The following ADAMTSL3 variants were observed in gnomAD, a reference collection of about 807,000 sequenced individuals.
ADAMTSL3 encodes ADAMTS like 3.
A neutral mutation model predicts 201.7 loss-of-function variants in ADAMTSL3; 128 were observed. The observed-to-expected ratio is 0.63, with a 90% CI of 0.55 to 0.73. ADAMTSL3 has a LOEUF of 0.73. Ranked by LOEUF, ADAMTSL3 falls within the 30% of genes least tolerant of loss-of-function variation. ADAMTSL3 has a pLI of 0.00. For missense variants in ADAMTSL3, 1,990 were observed against 2,119.6 expected (o/e 0.94, Z 1.20); for synonymous variants, 738 against 748.4 (o/e 0.99, Z 0.23).
chr15:83,660,544 T>G (rs569603046), intron 2 of ADAMTSL3, among the ~76,000 whole-genome samples: 10 of 152,224 alleles, frequency 6.6e-5, no homozygotes, highest in Admixed American at 5.9e-4. Context: ...TCTGGGAGAG[T>G]TGGGGCCTCT....
chr15:83,915,955 CATGTAT>C (rs777134915), intron 16 of ADAMTSL3, among the ~76,000 whole-genome samples: 3 of 152,130 alleles, frequency 2.0e-5, no homozygotes, highest in Non-Finnish European at 4.4e-5. Flanking sequence ...TGTGAACGTT[CATGTAT>C]ATGATTTTAT....
chr15:83,667,264 C>T (rs1334931051), intron 2 of ADAMTSL3, among the ~76,000 whole-genome samples: 1 of 151,888 alleles, frequency 6.6e-6, no homozygotes, highest in African/African-American at 2.4e-5. Flanking sequence ...GTTATTGTAC[C>T]TTTGTAATGT....
intron 3 of ADAMTSL3, among the ~76,000 whole-genome samples, chr15:83,722,821 A>C (rs1010014345): frequency 6.6e-6 from 1 of 152,130 alleles, no homozygotes; most frequent in South Asian, 2.1e-4. Context: ...TAATTTAGAA[A>C]AAGTTAATTT....
chr15:83,738,956 T>A (rs60728672), intron 3 of ADAMTSL3, among the ~76,000 whole-genome samples: 2,322 of 146,506 alleles, frequency 0.016, 53 homozygotes, highest in African/African-American at 0.047. Context: ...AGAAAAAAAA[T>A]AAAATAAAAT....
intron 15 of ADAMTSL3, among the ~76,000 whole-genome samples, chr15:83,907,487 C>T (rs2065862278): frequency 6.6e-6 from 1 of 152,172 alleles, no homozygotes; most frequent in South Asian, 2.1e-4. Context: ...CACTTCAACA[C>T]CACCTCCCGG....
At chr15:83,899,327 A>G (rs2065677281) in intron 14 of ADAMTSL3, among the ~76,000 whole-genome samples, 1 of 152,238 alleles carries the variant, frequency 6.6e-6, no homozygotes, top group Admixed American at 6.5e-5. Flanking sequence ...GATATGGTTG[A>G]AGTAAAAGCT....
intron 3 of ADAMTSL3, among the ~76,000 whole-genome samples, chr15:83,755,079 T>A: frequency 6.6e-6 from 1 of 152,206 alleles, no homozygotes; most frequent in East Asian, 1.9e-4. Flanking sequence ...TCACCACCAT[T>A]CCTTTTATAT....
chr15:83,866,557 A>G (rs1429354258), intron 8 of ADAMTSL3, among the ~76,000 whole-genome samples: 1 of 152,142 alleles, frequency 6.6e-6, no homozygotes, highest in African/African-American at 2.4e-5. Flanking sequence ...GGAATTGAAC[A>G]ATGAGAACAC....
intron 17 of ADAMTSL3, among the ~76,000 whole-genome samples, chr15:83,925,361 C>T (rs2141993786): frequency 6.6e-6 from 1 of 152,282 alleles, no homozygotes. Context: ...GTACTGGGAG[C>T]TTGTTGGCTT....
At chr15:84,001,047 G>A (rs2067783085) in intron 23 of ADAMTSL3, among the ~76,000 whole-genome samples, 2 of 152,236 alleles carry the variant, frequency 1.3e-5, no homozygotes, top group South Asian at 4.1e-4. Context: ...GCTGCAGAAA[G>A]CTGTAAATTG....
intron 20 of ADAMTSL3, among the ~76,000 whole-genome samples, chr15:83,981,061 A>G (rs1478033697): frequency 6.6e-6 from 1 of 152,218 alleles, no homozygotes; most frequent in Non-Finnish European, 1.5e-5. Flanking sequence ...ATGTTAGTCC[A>G]GTATCTCTTC....
intron 25 of ADAMTSL3, among the ~76,000 whole-genome samples, chr15:84,016,832 T>C (rs1216899937): frequency 6.6e-6 from 1 of 152,190 alleles, no homozygotes; most frequent in Non-Finnish European, 1.5e-5. Flanking sequence ...CTGCTATGAG[T>C]ATTGGAATTG....
intron 6 of ADAMTSL3, among the ~76,000 whole-genome samples, chr15:83,825,878 G>T (rs947713183): frequency 6.6e-6 from 1 of 152,112 alleles, no homozygotes; most frequent in Non-Finnish European, 1.5e-5. Context: ...ACCAGTGGAG[G>T]TGGGAAACCA....
rs572444836 is a variant in ADAMTSL3 at position 83,734,681 on chromosome 15, T to C, written c.189+30173T>C. ...AAATAGTCTTAAAGGCACAAAGGAA[T>C]GAGAACATTTCTCTCCAAACCATAA... On this transcript the variant is annotated intron_variant, in intron 3 of 29. Coordinates refer to ENST00000286744, the MANE Select transcript of ADAMTSL3 (RefSeq NM_207517.3). Among the ~76,000 whole-genome samples the C allele has an allele frequency of 3.9e-5, 6 of 152,322 alleles. No homozygotes were observed. The East Asian group carries it at 1.2e-3, about 29-fold the overall frequency.
Position 83,982,971 on chromosome 15 carries a change from G to C in ADAMTSL3, c.3343G>C (p.Asp1115His). The C allele has an allele frequency of 1.2e-6, 2 of 1,614,154 alleles. No individual in the cohort carries two copies. The highest frequency in any genetic ancestry group is 1.7e-6 in the Non-Finnish European group (2 of 1,180,028). Reference protein sequence around the residue: ...QLMETGEVSDDLASQLIYQLV... With the variant: ...QLMETGEVSDHLASQLIYQLV... ...CATGGAAACCGGAGAGGTCAGCGATGATCTTGCGTCCCAGCTGATATATCA... is the reference window on the plus strand; with the variant it reads ...CATGGAAACCGGAGAGGTCAGCGATCATCTTGCGTCCCAGCTGATATATCA... Residue 1115 changes from aspartate to histidine, a missense_variant, in exon 21 of 30, where the codon GAT becomes CAT. Asp to His is a moderately conservative substitution (Grantham distance 81, BLOSUM62 -1). Transcript: ENST00000286744.
intron 19 of ADAMTSL3, among the ~76,000 whole-genome samples, chr15:83,963,579 G>A (rs182262532): frequency 1.3e-5 from 2 of 152,352 alleles, no homozygotes; most frequent in African/African-American, 4.8e-5. Context: ...TGTGGGTGCA[G>A]CTTCAGCAGA....
intron 25 of ADAMTSL3, among the ~76,000 whole-genome samples, chr15:84,017,339 G>C (rs1446775495): frequency 6.6e-6 from 1 of 152,116 alleles, no homozygotes; most frequent in Non-Finnish European, 1.5e-5. Context: ...GGATGATCTC[G>C]ATCTCCTGAC....
rs142789424 is a variant in ADAMTSL3, at chr15:83,973,854, A to C, written c.2644+3217A>C. Among the ~76,000 whole-genome samples the C allele has an allele frequency of 1.8e-3, 278 of 152,242 alleles. 1 individual carries two copies. The highest frequency in any genetic ancestry group is 6.5e-3 in the African/African-American group (270 of 41,558). On this transcript the variant is annotated intron_variant, in intron 20 of 29. Coordinates refer to ENST00000286744, the MANE Select transcript of ADAMTSL3 (RefSeq NM_207517.3). ...CAGGCCCAGTAGTGCTGTGAACTTT[A>C]TTTTCTACCAAGGTTTCAATTCTAG...
intron 15 of ADAMTSL3, among the ~76,000 whole-genome samples, chr15:83,900,788 C>T (rs901687010): frequency 6.6e-5 from 10 of 151,842 alleles, no homozygotes; most frequent in African/African-American, 2.4e-4. Context: ...TTCTCTGAAG[C>T]AGAAAAAAAA....
Sources: allele counts gnomAD v4.1 joint callset (sites outside exome capture counted in the v4.1 genomes callset), GRCh38; gene constraint gnomAD v4.1.1; transcripts MANE v1.5; gene names NCBI Gene and HGNC (gene_info 2026-07-23, HGNC 2026-07-21).